DLG2: variants seen among roughly 807,000 people sequenced by gnomAD.
The protein encoded by DLG2 is discs large MAGUK scaffold protein 2, also known as disks large homolog 2.
DLG2 carries 45 observed loss-of-function variants against 132.5 expected under a neutral mutation model. That is an observed-to-expected ratio of 0.34 (90% CI 0.27 to 0.44). The LOEUF is 0.44. Among genes scored for constraint, DLG2 ranks in the 20% least tolerant of loss-of-function variants. The pLI is 1.00. For missense variants in DLG2, 1,045 were observed against 1,196.9 expected, an observed-to-expected ratio of 0.87 and a Z score of 1.87; for synonymous variants, 424 against 419.6, an observed-to-expected ratio of 1.01 and a Z score of -0.13.
At chr11:83,616,268 G>T (rs2060793576) in intron 19 of DLG2, among the ~76,000 whole-genome samples, 1 of 152,144 alleles carries the variant, frequency 6.6e-6, no homozygotes, top group Non-Finnish European at 1.5e-5. Context: ...CCTAGGGATA[G>T]ATCATAGGGT....
chr11:84,303,438 T>C (rs144000760), intron 7 of DLG2, among the ~76,000 whole-genome samples: 2 of 152,338 alleles, frequency 1.3e-5, no homozygotes, highest in East Asian at 3.9e-4. Flanking sequence ...CAAGCACTTA[T>C]ATTTAATGAT....
chr11:83,707,527 G>A (rs2084322206), intron 18 of DLG2, among the ~76,000 whole-genome samples: 2 of 152,056 alleles, frequency 1.3e-5, no homozygotes, highest in Admixed American at 6.6e-5. Context: ...AAAAATTAGT[G>A]GGGCGTTGTG....
intron 5 of DLG2, among the ~76,000 whole-genome samples, chr11:85,139,470 GT>G (rs1369676702): frequency 1.3e-5 from 2 of 151,906 alleles, no homozygotes; most frequent in African/African-American, 4.8e-5. Context: ...ATAAACAATA[GT>G]TTTTTGGATT....
intron 7 of DLG2, among the ~76,000 whole-genome samples, chr11:84,496,154 A>G (rs2099183081): frequency 6.6e-6 from 1 of 152,182 alleles, no homozygotes; most frequent in Non-Finnish European, 1.5e-5. Context: ...TGGGTGGATG[A>G]AGGCATCAAA....
intron 8 of DLG2, among the ~76,000 whole-genome samples, chr11:84,242,629 C>T (rs1006819494): frequency 6.6e-6 from 1 of 152,126 alleles, no homozygotes; most frequent in Non-Finnish European, 1.5e-5. Context: ...TGGTCTCGAA[C>T]TTCTAACCTC....
chr11:84,146,905 C>G (rs755918831), intron 9 of DLG2, among the ~76,000 whole-genome samples: 7 of 152,042 alleles, frequency 4.6e-5, no homozygotes, highest in Non-Finnish European at 8.8e-5. Context: ...CATCTCCAGT[C>G]TCTAGCTTTC....
intron 6 of DLG2, among the ~76,000 whole-genome samples, chr11:84,921,990 G>C (rs1471068510): frequency 6.6e-6 from 1 of 151,898 alleles, no homozygotes; most frequent in African/African-American, 2.4e-5. Flanking sequence ...TAAAAGAATT[G>C]GTCATCAAAA....
At chr11:84,794,068 T>A (rs746967253) in intron 6 of DLG2, among the ~76,000 whole-genome samples, 1 of 152,356 alleles carries the variant, frequency 6.6e-6, no homozygotes, top group East Asian at 1.9e-4. Flanking sequence ...ATCTGTTGTA[T>A]GTTTTTTGAT....
intron 6 of DLG2, among the ~76,000 whole-genome samples, chr11:84,602,649 C>T (rs1476957792): frequency 6.6e-6 from 1 of 151,858 alleles, no homozygotes; most frequent in Non-Finnish European, 1.5e-5. Context: ...TTTGATTTTG[C>T]TTTTATGTCC....
At chr11:85,128,087 C>G (rs1343413011) in intron 5 of DLG2, among the ~76,000 whole-genome samples, 1 of 152,144 alleles carries the variant, frequency 6.6e-6, no homozygotes, top group African/African-American at 2.4e-5. Flanking sequence ...GCCTGGTCCA[C>G]TTTTCACTCT....
intron 19 of DLG2, among the ~76,000 whole-genome samples, chr11:83,545,344 C>T (rs886934507): frequency 6.6e-6 from 1 of 151,964 alleles, no homozygotes; most frequent in Non-Finnish European, 1.5e-5. Flanking sequence ...AGTGAGGGCT[C>T]AATAAATGTA....
rs147306551 is a variant in DLG2, at chr11:83,660,386, G to A, written c.1826-27061C>T. 5.5e-4 allele frequency among the ~76,000 whole-genome samples: 83 copies of A among 152,192 alleles called. 1 individual carries two copies. The East Asian group carries it at 0.014, about 25-fold the overall frequency. On this transcript the variant is annotated intron_variant, in intron 18 of 27. Coordinates refer to ENST00000376104, the MANE Select transcript of DLG2 (RefSeq NM_001142699.3). Reference sequence around the variant, plus strand: ...AGTGTCTTCAGAAATATGAATCAAGGGTTAACATTTAAAAATTAAAAATTT... The same window carrying A: ...AGTGTCTTCAGAAATATGAATCAAGAGTTAACATTTAAAAATTAAAAATTT...
chr11:85,198,353 T>G (rs2081213181), intron 4 of DLG2, among the ~76,000 whole-genome samples: 3 of 152,112 alleles, frequency 2.0e-5, no homozygotes, highest in Admixed American at 2.0e-4. Context: ...ACACTGAAAA[T>G]TATGAAAATT....
intron 9 of DLG2, among the ~76,000 whole-genome samples, chr11:84,149,441 C>A (rs1269985363): frequency 1.3e-5 from 2 of 152,064 alleles, no homozygotes; most frequent in Non-Finnish European, 2.9e-5. Context: ...ATATGAATAG[C>A]CAGTTATCCC....
At chr11:84,941,873 TG>T (rs1419824434) in intron 6 of DLG2, among the ~76,000 whole-genome samples, 7 of 152,170 alleles carry the variant, frequency 4.6e-5, no homozygotes, top group Non-Finnish European at 1.0e-4. Flanking sequence ...CATCACGTCC[TG>T]GGCTTTTCCT....
intron 17 of DLG2, among the ~76,000 whole-genome samples, chr11:83,831,801 T>C (rs183637144): frequency 1.3e-3 from 200 of 152,252 alleles, no homozygotes; most frequent in Non-Finnish European, 2.1e-3. Flanking sequence ...AATTAAAATA[T>C]AGGCAGGAAC....
intron 7 of DLG2, among the ~76,000 whole-genome samples, chr11:84,299,555 T>C (rs1396830914): frequency 1.3e-5 from 2 of 152,178 alleles, no homozygotes; most frequent in African/African-American, 4.8e-5. Context: ...CTAAGTGAAT[T>C]GTAAAACAGG....
intron 7 of DLG2, among the ~76,000 whole-genome samples, chr11:84,527,893 TTCTC>T (rs60170305): frequency 0.057 from 7,156 of 125,604 alleles, 201 homozygotes; most frequent in African/African-American, 0.098. Flanking sequence ...CTCCCTCCCT[TTCTC>T]TCTCTCTCTC....
intron 18 of DLG2, among the ~76,000 whole-genome samples, chr11:83,759,227 G>A (rs2093788656): frequency 6.6e-6 from 1 of 152,168 alleles, no homozygotes; most frequent in South Asian, 2.1e-4. Flanking sequence ...TATAGAGGAG[G>A]GAGACTTGAG....
Sources: allele counts gnomAD v4.1 joint callset (sites outside exome capture counted in the v4.1 genomes callset), GRCh38; gene constraint gnomAD v4.1.1; transcripts MANE v1.5; gene names NCBI Gene and HGNC (gene_info 2026-07-23, HGNC 2026-07-21).